The following MPP7 variants were observed in gnomAD, a reference collection of about 807,000 sequenced individuals.
MPP7 encodes MAGUK p55 scaffold protein 7.
In MPP7, 60 loss-of-function variants were observed where a neutral mutation model predicts 76.5. The observed-to-expected ratio is 0.78, with a 90% CI of 0.64 to 0.97. The LOEUF is 0.97. Ranked by LOEUF, MPP7 falls within the 50% of genes least tolerant of loss-of-function variation. The pLI is 0.00. For synonymous variants in MPP7, 237 were observed against 244.5 expected (o/e 0.97, Z 0.29); for missense variants, 641 against 694.0 (o/e 0.92, Z 0.86).
intron 3 of MPP7, among the ~76,000 whole-genome samples, chr10:28,152,596 G>C (rs1835920308): frequency 6.6e-6 from 1 of 152,188 alleles, no homozygotes; most frequent in African/African-American, 2.4e-5. Context: ...GCCACGTGTG[G>C]CTTTTGAGCA....
intron 4 of MPP7, among the ~76,000 whole-genome samples, chr10:28,148,417 T>A (rs1052820814): frequency 6.6e-6 from 1 of 152,226 alleles, no homozygotes. Context: ...TATGTATAGA[T>A]GCATTTTTAT....
At chr10:28,188,490 G>GA (rs1209073992) in intron 3 of MPP7, among the ~76,000 whole-genome samples, 1 of 152,044 alleles carries the variant, frequency 6.6e-6, no homozygotes, top group Non-Finnish European at 1.5e-5. Flanking sequence ...ATAGACAAAG[G>GA]ACTTTTCCAT....
chr10:28,147,621 G>T, intron 4 of MPP7, 58 bp from the exon 5 acceptor site: 1 of 1,446,570 alleles, frequency 6.9e-7, no homozygotes, highest in Non-Finnish European at 9.7e-7. Flanking sequence ...GTGGGATTGG[G>T]TGTGTGACAA....
At chr10:28,286,352 AAAT>A (rs1266638150) in intron 1 of MPP7, among the ~76,000 whole-genome samples, 4 of 147,548 alleles carry the variant, frequency 2.7e-5, no homozygotes, top group South Asian at 2.3e-4. Context: ...CCTCAAAAAA[AAAT>A]AATAATAAAA....
chr10:28,125,500 T>C (rs1425911745), intron 6 of MPP7, among the ~76,000 whole-genome samples: 4 of 152,164 alleles, frequency 2.6e-5, no homozygotes, highest in African/African-American at 4.8e-5. Context: ...ATTACACTAA[T>C]AGACAAAAGA....
intron 3 of MPP7, among the ~76,000 whole-genome samples, chr10:28,194,725 G>A (rs1046204548): frequency 5.3e-5 from 8 of 152,148 alleles, no homozygotes; most frequent in Admixed American, 5.2e-4. Flanking sequence ...TGGGGAGGGA[G>A]GACAGGTAAA....
At position 28,053,366 on chromosome 10, in the gene MPP7, G is replaced by A. The variant is rs1170821805; in HGVS notation, c.*699C>T. On this transcript the variant is annotated 3_prime_UTR_variant, in exon 17 of 17. Transcript: ENST00000683449. ...ATTAATCCCAAAGGAAAGGCTTTTC[G>A]TTACATATATAATAACTGTTAAAAG... 3 of 151,854 alleles carry A rather than the reference G, an allele frequency of 2.0e-5. No homozygotes were observed. Among genetic ancestry groups the A allele is most frequent in the South Asian group, 4.2e-4 (2 of 4,818 alleles). 9.4% of individuals were successfully genotyped at this position (151,854 alleles called of 1,614,324 possible).
At chr10:28,168,540 A>G (rs996398606) in intron 3 of MPP7, among the ~76,000 whole-genome samples, 2 of 151,792 alleles carry the variant, frequency 1.3e-5, no homozygotes, top group African/African-American at 2.4e-5. Flanking sequence ...TTGTTTTGAA[A>G]CAGAGTCTCG....
intron 2 of MPP7, among the ~76,000 whole-genome samples, chr10:28,235,652 T>C (rs1013465494): frequency 1.3e-5 from 2 of 152,180 alleles, no homozygotes; most frequent in Non-Finnish European, 2.9e-5. Context: ...TTCAAATGTG[T>C]AAAAACAAAT....
intron 1 of MPP7, among the ~76,000 whole-genome samples, chr10:28,333,863 G>C (rs909057912): frequency 6.6e-6 from 1 of 152,166 alleles, no homozygotes; most frequent in Non-Finnish European, 1.5e-5. Context: ...TTTGGGCCGA[G>C]AAATTTTTGT....
chr10:28,118,383 A>G (rs1834724665), intron 11 of MPP7: 2 of 980,818 alleles, frequency 2.0e-6, no homozygotes, highest in Non-Finnish European at 2.4e-6. Flanking sequence ...ACTGAAAAAG[A>G]GTTGAGTATG....
intron 3 of MPP7, among the ~76,000 whole-genome samples, chr10:28,167,798 C>A (rs1057509313): frequency 2.0e-5 from 3 of 152,116 alleles, no homozygotes; most frequent in African/African-American, 4.8e-5. Flanking sequence ...TCTATTTGCA[C>A]CCCACCAGAA....
At chr10:28,172,198 G>T (rs1405970886) in intron 3 of MPP7, among the ~76,000 whole-genome samples, 7 of 152,174 alleles carry the variant, frequency 4.6e-5, no homozygotes, top group Non-Finnish European at 1.0e-4. Flanking sequence ...ATTTCAAGAG[G>T]ATATTTTACT....
At chr10:28,109,646 T>C (rs949224067) in intron 11 of MPP7, among the ~76,000 whole-genome samples, 8 of 151,454 alleles carry the variant, frequency 5.3e-5, no homozygotes, top group African/African-American at 1.9e-4. Flanking sequence ...CGAGTGCAAA[T>C]GCGCTCATTT....
chr10:28,276,033 T>TC (rs1298361242), intron 1 of MPP7, among the ~76,000 whole-genome samples: 2 of 148,606 alleles, frequency 1.3e-5, no homozygotes, highest in Non-Finnish European at 3.0e-5. Flanking sequence ...TCACATACTT[T>TC]TTTTTTTTTT....
rs536711354 is a variant in MPP7 at position 28,199,016 on chromosome 10, C to T, written c.156+3137G>A. On this transcript the variant is annotated intron_variant, in intron 3 of 16. Coordinates refer to ENST00000683449, the MANE Select transcript of MPP7 (RefSeq NM_001318170.2). ...GATTTAATGGACTCACAGTTCCATG[C>T]GGCTGGGGAAGCATCACACTCATGG... 1.2e-4 allele frequency among the ~76,000 whole-genome samples: 19 copies of T among 152,168 alleles called. 1 individual carries two copies. The South Asian group carries it at 2.9e-3, about 23-fold the overall frequency.
intron 5 of MPP7, among the ~76,000 whole-genome samples, chr10:28,133,106 A>C (rs573754794): frequency 3.0e-4 from 46 of 152,334 alleles, no homozygotes; most frequent in African/African-American, 9.9e-4. Flanking sequence ...TTACATAAAA[A>C]GCTGTCAGGT....
chr10:28,303,011 C>A lies in MPP7; in HGVS notation c.-282G>T, dbSNP rs919783046. 1.3e-5 allele frequency among the ~76,000 whole-genome samples: 2 copies of A among 150,190 alleles called. No homozygotes were observed. Among genetic ancestry groups the A allele is most frequent in the Admixed American group, 1.3e-4 (2 of 15,144 alleles). On this transcript the variant is annotated 5_prime_UTR_variant, in exon 1 of 17. Coordinates refer to ENST00000683449, the MANE Select transcript of MPP7 (RefSeq NM_001318170.2). The stretch of plus-strand genomic sequence containing the variant: ...CGGCACCGCCGCGGCGGGCGCAGAA[C>A]GCACGAGCCCAGTGGGAGCCCGGCC...
intron 1 of MPP7, among the ~76,000 whole-genome samples, chr10:28,263,659 C>T (rs1840058448): frequency 6.6e-6 from 1 of 152,088 alleles, no homozygotes; most frequent in African/African-American, 2.4e-5. Flanking sequence ...TTGGAGCTGG[C>T]CCACGATCTG....
Sources: allele counts gnomAD v4.1 joint callset (sites outside exome capture counted in the v4.1 genomes callset), GRCh38; gene constraint gnomAD v4.1.1; transcripts MANE v1.5; gene names NCBI Gene and HGNC (gene_info 2026-07-23, HGNC 2026-07-21).